CSMD1: variants seen among roughly 807,000 people sequenced by gnomAD.
The protein encoded by CSMD1 is CUB and Sushi multiple domains 1.
Under a neutral mutation model 417.5 loss-of-function variants are expected in CSMD1, and 213 were observed. The ratio of observed to expected loss-of-function variants is 0.51; its 90% CI spans 0.46 to 0.57. CSMD1 has a LOEUF of 0.57. Ranked by LOEUF, CSMD1 falls within the 20% of genes least tolerant of loss-of-function variation. The pLI is 0.00. For synonymous variants in CSMD1, 2,862 were observed against 1,736.8 expected, an observed-to-expected ratio of 1.65 and a Z score of -16.11; for missense variants, 6,923 against 4,529.7, an observed-to-expected ratio of 1.53 and a Z score of -15.17.
In CSMD1 at chr8:3,369,629, A is replaced by G. The variant is rs540128168; in HGVS notation, c.2783-259T>C. On this transcript the variant is annotated intron_variant, in intron 18 of 69. Transcript: ENST00000635120. ...AGCAGGAGAGCTGGAACCTGCATTA[A>G]CAAGCCTCAGAATTGCAGACATGGT... is the stretch of plus-strand genomic sequence containing the variant. Among the ~76,000 whole-genome samples the G allele has an allele frequency of 2.0e-5, 3 of 152,318 alleles. No individual in the cohort carries two copies. The South Asian group carries it at 6.2e-4, about 32-fold the overall frequency.
intron 10 of CSMD1, among the ~76,000 whole-genome samples, chr8:3,516,296 G>C (rs542424486): frequency 2.0e-5 from 3 of 152,226 alleles, no homozygotes; most frequent in South Asian, 2.1e-4. Context: ...CTAAGTTCTG[G>C]GATTATAAAG....
At chr8:3,572,902 T>A (rs992623962) in intron 10 of CSMD1, among the ~76,000 whole-genome samples, 6 of 152,170 alleles carry the variant, frequency 3.9e-5, no homozygotes, top group African/African-American at 1.4e-4. Flanking sequence ...ATTCTCAATA[T>A]CATATGATTT....
rs143661613 is a variant in CSMD1, at chr8:3,397,565, G to C, written c.2406-1184C>G. ...ATAAGGCCACAGGCTGCCACATTTG[G>C]GATTGCATAGTGCCAACTTTGTCTT... On this transcript the variant is annotated intron_variant, in intron 16 of 69. Coordinates refer to ENST00000635120, the MANE Select transcript of CSMD1 (RefSeq NM_033225.6). 2.7e-3 allele frequency among the ~76,000 whole-genome samples: 409 copies of C among 152,208 alleles called. 2 individuals are homozygous for C. Among genetic ancestry groups the C allele is most frequent in the African/African-American group, 8.8e-3 (366 of 41,538 alleles).
intron 5 of CSMD1, among the ~76,000 whole-genome samples, chr8:3,868,562 T>C (rs955548558): frequency 1.3e-5 from 2 of 152,134 alleles, no homozygotes; most frequent in Non-Finnish European, 2.9e-5. Flanking sequence ...TGTTCTGAAA[T>C]GTGGATTTGA....
At chr8:3,767,668 CA>C (rs1563058912) in intron 5 of CSMD1, among the ~76,000 whole-genome samples, 2 of 152,116 alleles carry the variant, frequency 1.3e-5, no homozygotes, top group African/African-American at 4.8e-5. Context: ...ATATGGTATA[CA>C]AGTAATACCT....
intron 49 of CSMD1, among the ~76,000 whole-genome samples, chr8:3,082,586 G>C (rs187758071): frequency 7.9e-5 from 12 of 152,292 alleles, no homozygotes; most frequent in Admixed American, 2.0e-4. Context: ...CTTGGTACCC[G>C]CCTGCAGTGC....
intron 11 of CSMD1, among the ~76,000 whole-genome samples, chr8:3,487,521 A>C (rs1396978527): frequency 1.3e-5 from 2 of 152,172 alleles, no homozygotes; most frequent in Non-Finnish European, 2.9e-5. Flanking sequence ...AATTTAAGGC[A>C]GATTTTAGGA....
At chr8:3,943,299 C>G (rs546980167) in intron 5 of CSMD1, among the ~76,000 whole-genome samples, 2 of 151,330 alleles carry the variant, frequency 1.3e-5, no homozygotes, top group South Asian at 2.1e-4. Flanking sequence ...CTTTATCACC[C>G]TTGACAACTG....
intron 1 of CSMD1, among the ~76,000 whole-genome samples, chr8:4,656,728 A>G (rs894638850): frequency 6.6e-6 from 1 of 152,104 alleles, no homozygotes; most frequent in Non-Finnish European, 1.5e-5. Flanking sequence ...ACTCCAGAAC[A>G]GTGTTTGGGG....
intron 2 of CSMD1, among the ~76,000 whole-genome samples, chr8:4,526,547 T>C (rs188952753): frequency 2.6e-5 from 4 of 152,376 alleles, no homozygotes; most frequent in African/African-American, 7.2e-5. Context: ...TAGAACTGTG[T>C]TGTGGTCTAT....
At chr8:4,948,881 T>TA (rs1436212369) in intron 1 of CSMD1, among the ~76,000 whole-genome samples, 2 of 152,144 alleles carry the variant, frequency 1.3e-5, no homozygotes, top group Admixed American at 6.5e-5. Context: ...CGATTTTAGA[T>TA]AAAAGACCAT....
chr8:3,272,607 T>C lies in CSMD1; in HGVS notation c.4153+11537A>G, dbSNP rs569152887. 9.0e-4 allele frequency among the ~76,000 whole-genome samples: 124 copies of C among 137,054 alleles called. 4 individuals carry two copies. Among genetic ancestry groups the C allele is most frequent in the African/African-American group, 3.2e-3 (115 of 35,626 alleles). 89.9% of individuals were successfully genotyped at this position (137,054 alleles called of 152,430 possible). A position where few individuals can be genotyped will look rare whatever the true frequency, so the allele number is the denominator to read the frequency against. On this transcript the variant is annotated intron_variant, in intron 26 of 69. Transcript: ENST00000635120. ...TTGTTTGTATCTTCTTTTATTTCCT[T>C]GAGCAGTGGTTTGTAGTTCTCCTTG...
intron 26 of CSMD1, among the ~76,000 whole-genome samples, chr8:3,275,882 C>T (rs113741939): frequency 5.9e-5 from 9 of 151,866 alleles, no homozygotes; most frequent in Admixed American, 3.3e-4. Context: ...GAATGTCCTC[C>T]TGTAGCTCAG....
At chr8:3,229,986 G>T in intron 27 of CSMD1, 54 bp downstream of exon 27, 2 of 1,268,686 alleles carry the variant, frequency 1.6e-6, no homozygotes, top group Non-Finnish European at 2.1e-6. Context: ...CGCTTTTAAC[G>T]ACAACATGCA....
At chr8:3,744,752 G>A (rs1272757613) in intron 6 of CSMD1, among the ~76,000 whole-genome samples, 1 of 152,228 alleles carries the variant, frequency 6.6e-6, no homozygotes, top group Admixed American at 6.5e-5. Context: ...TTAGGGTAAT[G>A]TAGGTACTCT....
At chr8:4,137,988 C>T (rs369062044) in intron 3 of CSMD1, among the ~76,000 whole-genome samples, 1 of 149,962 alleles carries the variant, frequency 6.7e-6, no homozygotes, top group Non-Finnish European at 1.5e-5. Context: ...CGCCATTCTC[C>T]CGCCTCAGCC....
At chr8:4,593,002 C>T in intron 2 of CSMD1, among the ~76,000 whole-genome samples, 1 of 152,144 alleles carries the variant, frequency 6.6e-6, no homozygotes, top group South Asian at 2.1e-4. Flanking sequence ...ATTCATAAAA[C>T]TATTTAGAAA....
Position 2,949,364 on chromosome 8 carries a change from C to T in CSMD1, c.10337G>A (p.Gly3446Glu), listed in dbSNP as rs749751514. 5.6e-6 allele frequency: 9 copies of T among 1,603,684 alleles called. No homozygotes were observed. The highest frequency in any genetic ancestry group is 3.4e-5 in the Admixed American group (2 of 59,380). ...AATGTCACCTTGAAAAGTAAATCCT[C>T]CTCTTTCAAGTCCAGATGACACCTG... ...DGYVSSGLERGGFTFQGDIHG... is the reference protein window; with the variant it reads ...DGYVSSGLEREGFTFQGDIHG... Residue 3446 changes from glycine to glutamate, a missense_variant, in exon 68 of 70, where the codon GGA (glycine) becomes GAA (glutamate). By Grantham distance (98) the Gly-to-Glu change is moderately conservative (BLOSUM62 -2). Transcript: ENST00000635120.
intron 5 of CSMD1, among the ~76,000 whole-genome samples, chr8:3,851,723 G>A (rs939058000): frequency 6.6e-6 from 1 of 152,124 alleles, no homozygotes; most frequent in South Asian, 2.1e-4. Context: ...AATAATTAAA[G>A]GAAAGAGAGA....
Sources: gnomAD v4.1 joint callset for allele counts (sites outside exome capture counted in the v4.1 genomes callset) on GRCh38, gnomAD v4.1.1 for gene constraint, MANE v1.5 for transcripts, NCBI Gene and HGNC (gene_info 2026-07-23, HGNC 2026-07-21) for gene names.